MTUS2: variants seen among roughly 807,000 people sequenced by gnomAD.
MTUS2 encodes the protein microtubule-associated tumor suppressor candidate 2.
MTUS2 carries 40 observed loss-of-function variants against 114.1 expected under a neutral mutation model. The ratio of observed to expected loss-of-function variants is 0.35; its 90% CI spans 0.27 to 0.46. The LOEUF (loss-of-function observed/expected upper bound fraction) is 0.46, where lower values mean the gene tolerates loss of function less well. MTUS2 is among the 20% of genes least tolerant of loss of function. The probability of loss-of-function intolerance (pLI) is 1.00; values close to 1 mark genes in which losing one functional copy is unlikely to be tolerated. For missense variants in MTUS2, 1,679 were observed against 1,705.4 expected (o/e 0.98, Z 0.27); for synonymous variants, 688 against 672.0 (o/e 1.02, Z -0.37).
At chr13:29,469,112 G>T (rs1044513344) in intron 9 of MTUS2, among the ~76,000 whole-genome samples, 1 of 152,196 alleles carries the variant, frequency 6.6e-6, no homozygotes, top group African/African-American at 2.4e-5. Context: ...GAGAATGCTG[G>T]GCCCCTGAGA....
chr13:29,026,083 G>A lies in MTUS2; in HGVS notation c.1385G>A (p.Gly462Glu), dbSNP rs779298364. The A allele has an allele frequency of 6.2e-7, 1 of 1,613,980 alleles. No homozygotes were observed. The highest frequency in any genetic ancestry group is 8.5e-7 in the Non-Finnish European group (1 of 1,179,900). ...GAGGAGGAAAGGCGGTTGGGCAGTG[G>A]GAATAAGGACAGTGTTATGGTTTTG... ...VIEEERRLGS[G>E]NKDSVMVLVF... Residue 462 changes from glycine (G) to glutamate (E), a missense_variant, in exon 3 of 16, where the codon GGG (glycine) becomes GAG (glutamate). Around this residue, in one of 3 missense-constraint regions of MTUS2, gnomAD observed 843 missense variants for 770.8 expected, o/e 1.09. Transcript: ENST00000612955.
At chr13:28,946,569 C>T (rs1882545975) in intron 2 of MTUS2, among the ~76,000 whole-genome samples, 1 of 152,140 alleles carries the variant, frequency 6.6e-6, no homozygotes, top group African/African-American at 2.4e-5. Flanking sequence ...CTATGATCTT[C>T]CTTCAGGCAT....
At chr13:29,271,646 G>C (rs948755269) in intron 5 of MTUS2, among the ~76,000 whole-genome samples, 1 of 152,146 alleles carries the variant, frequency 6.6e-6, no homozygotes, top group South Asian at 2.1e-4. Context: ...CAAGCAGCTC[G>C]TGTGTTCATC....
intron 4 of MTUS2, among the ~76,000 whole-genome samples, chr13:29,048,756 C>G (rs1013212571): frequency 1.3e-5 from 2 of 152,144 alleles, no homozygotes; most frequent in African/African-American, 4.8e-5. Context: ...AGGCACACAC[C>G]CCTGCACACA....
At chr13:29,243,612 C>T (rs1304515044) in intron 5 of MTUS2, among the ~76,000 whole-genome samples, 1 of 152,090 alleles carries the variant, frequency 6.6e-6, no homozygotes, top group African/African-American at 2.4e-5. Context: ...ATTTTCTTTT[C>T]AATATGACAG....
intron 2 of MTUS2, among the ~76,000 whole-genome samples, chr13:28,947,038 T>C (rs1199818738): frequency 6.6e-6 from 1 of 152,178 alleles, no homozygotes; most frequent in Admixed American, 6.5e-5. Context: ...AGCCCAGATG[T>C]AGAGAGTAAG....
At chr13:29,354,585 T>C (rs1869584397) in intron 7 of MTUS2, among the ~76,000 whole-genome samples, 1 of 152,132 alleles carries the variant, frequency 6.6e-6, no homozygotes, top group African/African-American at 2.4e-5. Context: ...TACATCAAAA[T>C]AAAAAAGAAT....
rs559937611 is a variant in MTUS2, at chr13:28,961,297, C to G, written c.-242-63160C>G. Among the ~76,000 whole-genome samples, 13 of 152,206 alleles carry G rather than the reference C, an allele frequency of 8.5e-5. 1 individual carries two copies. The South Asian group carries it at 2.7e-3, about 32-fold the overall frequency. ...TTCAAGAAACCGAGAGAATCTGGAA[C>G]AGGATAAATCCAAAGAAATCCACAC... is the stretch of plus-strand genomic sequence containing the variant. On this transcript the variant is annotated intron_variant, in intron 2 of 15. Coordinates refer to ENST00000612955, the MANE Select transcript of MTUS2 (RefSeq NM_001033602.4).
chr13:29,265,291 C>T (rs963496480), intron 5 of MTUS2, among the ~76,000 whole-genome samples: 9 of 152,198 alleles, frequency 5.9e-5, no homozygotes, highest in Non-Finnish European at 1.2e-4. Flanking sequence ...TCATTTCCAT[C>T]TGGGAGTTTG....
chr13:28,939,640 CA>C, intron 2 of MTUS2, among the ~76,000 whole-genome samples: 1 of 151,914 alleles, frequency 6.6e-6, no homozygotes, highest in East Asian at 1.9e-4. Flanking sequence ...GCAATTTTTC[CA>C]AATAAAATTT....
At position 28,913,932 on chromosome 13, in the gene MTUS2, T is replaced by G. The variant is rs532107240; in HGVS notation, c.-243+74082T>G. Among the ~76,000 whole-genome samples, 7 of 151,988 alleles carry G rather than the reference T, an allele frequency of 4.6e-5. No homozygotes were observed. The East Asian group carries it at 1.4e-3, about 29-fold the overall frequency. On this transcript the variant is annotated intron_variant, in intron 2 of 15. Transcript: ENST00000612955. Reference sequence around the variant, plus strand: ...GGTGTTTATAGTATTCTCTGATGGTTGTATTTCTGTGGGGTCAGTGGTGAT... The same window carrying G: ...GGTGTTTATAGTATTCTCTGATGGTGGTATTTCTGTGGGGTCAGTGGTGAT...
chr13:29,353,539 A>T (rs1249219237), intron 7 of MTUS2, among the ~76,000 whole-genome samples: 1 of 152,118 alleles, frequency 6.6e-6, no homozygotes, highest in Non-Finnish European at 1.5e-5. Flanking sequence ...GGGCTCAAGC[A>T]GTCCACTCAC....
intron 2 of MTUS2, among the ~76,000 whole-genome samples, chr13:29,012,186 A>G (rs1188514445): frequency 6.6e-6 from 1 of 152,156 alleles, no homozygotes; most frequent in Non-Finnish European, 1.5e-5. Context: ...GTGCAGCTCA[A>G]GCGTGCCTCC....
intron 2 of MTUS2, among the ~76,000 whole-genome samples, chr13:28,998,260 G>C (rs1375857814): frequency 6.6e-6 from 1 of 152,228 alleles, no homozygotes; most frequent in Non-Finnish European, 1.5e-5. Context: ...CAAGAGATCA[G>C]CTGTTAGTCC....
At chr13:29,463,493 G>C (rs1879660944) in intron 9 of MTUS2, among the ~76,000 whole-genome samples, 1 of 152,192 alleles carries the variant, frequency 6.6e-6, no homozygotes, top group Non-Finnish European at 1.5e-5. Flanking sequence ...CTTTGTGCCT[G>C]TTGACTTCAG....
intron 5 of MTUS2, among the ~76,000 whole-genome samples, chr13:29,122,340 C>A (rs577710497): frequency 4.6e-5 from 7 of 152,312 alleles, no homozygotes; most frequent in African/African-American, 1.4e-4. Context: ...AATTGACTCA[C>A]AGTTCCACGT....
At chr13:29,383,443 A>G (rs575063188) in intron 8 of MTUS2, among the ~76,000 whole-genome samples, 17 of 152,282 alleles carry the variant, frequency 1.1e-4, no homozygotes, top group South Asian at 6.2e-4. Flanking sequence ...GCCCTGCAGC[A>G]AGAGAGAATA....
rs923833379 is a variant in MTUS2, at chr13:29,120,950, A to G, written c.2644+19980A>G. Among the ~76,000 whole-genome samples, 40 of 152,234 alleles carry G rather than the reference A, an allele frequency of 2.6e-4. 1 individual carries two copies. The highest frequency in any genetic ancestry group is 9.6e-4 in the African/African-American group (40 of 41,458). ...TTGATAAAAGCCACTTTTATAAGTC[A>G]TGTCATGTTTTAAAATTGACAGTAC... is the stretch of plus-strand genomic sequence containing the variant. On this transcript the variant is annotated intron_variant, in intron 5 of 15. Transcript: ENST00000612955.
intron 7 of MTUS2, among the ~76,000 whole-genome samples, chr13:29,354,683 C>G (rs1869591877): frequency 6.6e-6 from 1 of 152,190 alleles, no homozygotes; most frequent in African/African-American, 2.4e-5. Context: ...TCTGCCCCGA[C>G]CTGTACTTAA....
Sources: gnomAD v4.1 joint callset for allele counts (sites outside exome capture counted in the v4.1 genomes callset) on GRCh38, gnomAD v4.1.1 for gene constraint, gnomAD v4.1.1 regional missense constraint, MANE v1.5 for transcripts, NCBI Gene and HGNC (gene_info 2026-07-23, HGNC 2026-07-21) for gene names.